HBM: variants seen among roughly 807,000 people sequenced by gnomAD.
HBM encodes the protein alpha globin pseudogene 2.
A neutral mutation model predicts 12.8 loss-of-function variants in HBM; 9 were observed. The observed-to-expected ratio is 0.70, with a 90% CI of 0.42 to 1.23. The LOEUF is 1.23. HBM is among the 50% of genes most tolerant of loss of function. The pLI, the probability that HBM is intolerant of heterozygous loss-of-function variation, is 0.00. For synonymous variants in HBM, 100 were observed against 92.0 expected (o/e 1.09, Z -0.50); for missense variants, 214 against 195.4 (o/e 1.10, Z -0.57).
At chr16:166,202 C>T (rs902282267) in intron 1 of HBM, 66 bp from the exon 2 acceptor site, 1 of 1,475,422 alleles carries the variant, frequency 6.8e-7, no homozygotes, top group Admixed American at 1.9e-5. Flanking sequence ...GGGCTCTGGG[C>T]GGTGTGGGCG....
Position 166,624 on chromosome 16 carries a change from G to T in HBM, c.342G>T (p.Gln114His), listed in dbSNP as rs750003435. The T allele has an allele frequency of 1.6e-5, 26 of 1,613,950 alleles. No homozygotes were observed. In the Admixed American group the frequency reaches 4.3e-4, roughly 27 times the overall value. ...CFHVVLASHL[Q>H]DEFTVQMQAA... Reference sequence around the variant, plus strand: ...ACGTCGTGCTGGCCTCCCACCTGCAGGACGAGTTCACCGTGCAAATGCAAG... The same window carrying T: ...ACGTCGTGCTGGCCTCCCACCTGCATGACGAGTTCACCGTGCAAATGCAAG... The change falls in exon 3 of 3, where the codon CAG (glutamine) becomes CAT (histidine). Residue 114 changes from glutamine to histidine, a missense_variant. Physicochemically the swap from Gln to His is conservative, Grantham distance 24. Coordinates refer to ENST00000356815, the MANE Select transcript of HBM (RefSeq NM_001003938.4).
Position 166,528 on chromosome 16 carries a change from C to T in HBM, c.298-52C>T, listed in dbSNP as rs537357463. The T allele has an allele frequency of 3.8e-6, 6 of 1,581,686 alleles. No homozygotes were observed. The African/African-American group carries it at 8.0e-5, about 21-fold the overall frequency. On this transcript the variant is annotated intron_variant, in intron 2 of 2. Transcript: ENST00000356815. Reference sequence around the variant, plus strand: ...AGCGCGCAGCCGGGGTGGGGGGGCTCTGGGGGTCCCTAGCGGGGCAGACCC... The same window carrying T: ...AGCGCGCAGCCGGGGTGGGGGGGCTTTGGGGGTCCCTAGCGGGGCAGACCC...
chr16:166,621 G>C lies in HBM; in HGVS notation c.339G>C (p.Leu113=). Residue 113 remains leucine, a synonymous_variant, in exon 3 of 3, where the codon CTG becomes CTC. Coordinates refer to ENST00000356815, the MANE Select transcript of HBM (RefSeq NM_001003938.4). ...QCFHVVLASH[L]QDEFTVQMQA... ...TCCACGTCGTGCTGGCCTCCCACCTGCAGGACGAGTTCACCGTGCAAATGC... is the reference window on the plus strand; with the variant it reads ...TCCACGTCGTGCTGGCCTCCCACCTCCAGGACGAGTTCACCGTGCAAATGC... 1 of 1,614,098 alleles carries C rather than the reference G, an allele frequency of 6.2e-7. No homozygotes were observed. Among genetic ancestry groups the C allele is most frequent in the Non-Finnish European group, 8.5e-7 (1 of 1,179,990 alleles).
At position 166,340 on chromosome 16, in the gene HBM, G is replaced by C. The variant is rs542841841; in HGVS notation, c.165G>C (p.Leu55=). Residue 55 remains leucine (L), a synonymous_variant, in exon 2 of 3, where the codon CTG becomes CTC. Coordinates refer to ENST00000356815, the MANE Select transcript of HBM (RefSeq NM_001003938.4). ...HLSACQDATQ[L]LSHGQRMLAA... is the part of the protein sequence containing the mutation. ...GCGCCTGCCAGGACGCGACGCAGCTGCTGAGCCACGGGCAGCGCATGCTGG... is the reference window on the plus strand; with the variant it reads ...GCGCCTGCCAGGACGCGACGCAGCTCCTGAGCCACGGGCAGCGCATGCTGG... 4.4e-6 allele frequency: 7 copies of C among 1,594,548 alleles called. No individual in the cohort carries two copies. The highest frequency in any genetic ancestry group is 2.7e-5 in the African/African-American group (2 of 74,884).
At chr16:166,210 G>A in intron 1 of HBM, 58 bp from the exon 2 acceptor site, 1 of 1,498,164 alleles carries the variant, frequency 6.7e-7, no homozygotes, top group Non-Finnish European at 9.0e-7. Context: ...GGCGGTGTGG[G>A]CGCTAGTGAA....
intron 1 of HBM, 42 bp from the exon 2 acceptor site, chr16:166,226 A>T: frequency 6.5e-7 from 1 of 1,531,870 alleles, no homozygotes; most frequent in East Asian, 2.4e-5. Context: ...GTGAAGCCCC[A>T]CGCAGCCGCC....
intron 2 of HBM, 48 bp from the exon 3 acceptor site, chr16:166,532 G>C (rs558533181): frequency 6.3e-7 from 1 of 1,595,632 alleles, no homozygotes; most frequent in Non-Finnish European, 8.5e-7. Flanking sequence ...GGGGCTCTGG[G>C]GGTCCCTAGC....
intron 1 of HBM, 52 bp from the exon 2 acceptor site, chr16:166,216 G>C: frequency 6.6e-7 from 1 of 1,506,452 alleles, no homozygotes; most frequent in African/African-American, 1.4e-5. Flanking sequence ...GTGGGCGCTA[G>C]TGAAGCCCCA....
At position 166,382 on chromosome 16, in the gene HBM, G is replaced by C. The variant is rs1420485283; in HGVS notation, c.207G>C (p.Ala69=). 3.8e-6 allele frequency: 6 copies of C among 1,574,692 alleles called. No homozygotes were observed. The highest frequency in any genetic ancestry group is 1.8e-5 in the Admixed American group (1 of 56,498). Residue 69 remains alanine, a synonymous_variant, in exon 2 of 3, where the codon GCG becomes GCC. Transcript: ENST00000356815. ...GCATGCTGGCGGCTGTGGGCGCGGC[G>C]GTGCAGCACGTGGACAACCTGCGCG... ...GQRMLAAVGA[A]VQHVDNLRAA... is the part of the protein sequence containing the mutation.
At position 166,471 on chromosome 16, in the gene HBM, C is replaced by T. The variant is rs1400329750; in HGVS notation, c.296C>T (p.Pro99Leu). ...CTGCGCGTGGACCCAGCCAACTTTC[C>T]GGTGAGGCCTTTCCGGCCGGGGCAA... ...LVLRVDPANF[P>L]LLIQCFHVVL... The change falls in exon 2 of 3, where the codon CCG becomes CTG. Residue 99 changes from proline (P) to leucine (L), a missense_variant and splice_region_variant. Pro to Leu is a moderately conservative substitution (Grantham distance 98, BLOSUM62 -3). Transcript: ENST00000356815. 3.3e-6 allele frequency: 5 copies of T among 1,514,282 alleles called. No individual in the cohort carries two copies. The African/African-American group carries it at 5.5e-5, about 17-fold the overall frequency. 93.8% of individuals were successfully genotyped at this position (1,514,282 alleles called of 1,614,324 possible).
chr16:166,427 G>T lies in HBM; in HGVS notation c.252G>T (p.Ala84=), dbSNP rs755322486. 7 of 1,550,156 alleles carry T rather than the reference G, an allele frequency of 4.5e-6. No individual in the cohort carries two copies. In the South Asian group the frequency reaches 5.8e-5, roughly 13 times the overall value. ...TGCGCGCCGCGCTGAGCCCGCTGGCGGACCTGCACGCGCTCGTGCTGCGCG... is the reference window on the plus strand; with the variant it reads ...TGCGCGCCGCGCTGAGCCCGCTGGCTGACCTGCACGCGCTCGTGCTGCGCG... ...DNLRAALSPL[A]DLHALVLRVD... Residue 84 remains alanine (A), a synonymous_variant, in exon 2 of 3, where the codon GCG becomes GCT. Transcript: ENST00000356815.
At position 166,013 on chromosome 16, in the gene HBM, G is replaced by A. The variant is rs1901903114; in HGVS notation, c.16G>A (p.Glu6Lys). The A allele has an allele frequency of 6.3e-7, 1 of 1,590,654 alleles. No individual in the cohort carries two copies. Among genetic ancestry groups the A allele is most frequent in the Non-Finnish European group, 8.5e-7 (1 of 1,173,582 alleles). MLSAQERAQIAQVWDL... is the reference protein window; with the variant it reads MLSAQKRAQIAQVWDL... Reference sequence around the variant, plus strand: ...AGGCGGCGCCATGCTCAGCGCCCAGGAGCGCGCCCAAATCGCGCAGGTCTG... The same window carrying A: ...AGGCGGCGCCATGCTCAGCGCCCAGAAGCGCGCCCAAATCGCGCAGGTCTG... Residue 6 changes from glutamate (E) to lysine (K), a missense_variant, in exon 1 of 3, where the codon GAG (glutamate) becomes AAG (lysine). By Grantham distance (56) the Glu-to-Lys change is moderately conservative. Transcript: ENST00000356815.
In HBM at chr16:166,285, C is replaced by G. The variant is rs1017554541; in HGVS notation, c.110C>G (p.Pro37Arg). The G allele has an allele frequency of 3.1e-6, 5 of 1,595,158 alleles. No individual in the cohort carries two copies. The highest frequency in any genetic ancestry group is 1.3e-5 in the African/African-American group (1 of 74,798). Reference protein sequence around the residue: ...ELLLRLFTVYPSTKVYFPHLS... With the variant: ...ELLLRLFTVYRSTKVYFPHLS... The stretch of plus-strand genomic sequence containing the variant: ...TCCTGCAGGCTCTTCACGGTGTACC[C>G]CAGCACCAAGGTCTACTTCCCGCAC... Residue 37 changes from proline (P) to arginine (R), a missense_variant, in exon 2 of 3, where the codon CCC becomes CGC. By Grantham distance (103) the Pro-to-Arg change is moderately radical. Transcript: ENST00000356815.
rs752991428 is a variant in HBM, at chr16:166,593, G to C, written c.311G>C (p.Cys104Ser). The C allele has an allele frequency of 6.8e-6, 11 of 1,613,748 alleles. No individual in the cohort carries two copies. In the Middle Eastern group the frequency reaches 4.9e-4, roughly 73 times the overall value. Residue 104 changes from cysteine to serine, a missense_variant, in exon 3 of 3, where the codon TGT becomes TCT. Physicochemically the swap from Cys to Ser is moderately radical, Grantham distance 112 (BLOSUM62 -1). Transcript: ENST00000356815. ...CTTCTCCTGCAGCTGCTAATCCAGT[G>C]TTTCCACGTCGTGCTGGCCTCCCAC... ...DPANFPLLIQCFHVVLASHLQ... is the reference protein window; with the variant it reads ...DPANFPLLIQSFHVVLASHLQ...
intron 1 of HBM, 22 bp from the exon 2 acceptor site, chr16:166,246 G>T: frequency 6.3e-7 from 1 of 1,578,170 alleles, no homozygotes; most frequent in Non-Finnish European, 8.6e-7. Context: ...CCTCCTCCCC[G>T]GTCACTGACC....
In HBM at chr16:166,391, C is replaced by G. The variant is rs1468539927; in HGVS notation, c.216C>G (p.His72Gln). 2.5e-6 allele frequency: 4 copies of G among 1,570,302 alleles called. No individual in the cohort carries two copies. The highest frequency in any genetic ancestry group is 2.3e-5 in the East Asian group (1 of 42,950). The stretch of plus-strand genomic sequence containing the variant: ...CGGCTGTGGGCGCGGCGGTGCAGCA[C>G]GTGGACAACCTGCGCGCCGCGCTGA... ...MLAAVGAAVQ[H>Q]VDNLRAALSP... The change falls in exon 2 of 3, where the codon CAC becomes CAG. Residue 72 changes from histidine to glutamine, a missense_variant. Physicochemically the swap from His to Gln is conservative, Grantham distance 24. Coordinates refer to ENST00000356815, the MANE Select transcript of HBM (RefSeq NM_001003938.4).
At position 166,695 on chromosome 16, in the gene HBM, A is replaced by G. The variant is rs1480873075; in HGVS notation, c.413A>G (p.Glu138Gly). Residue 138 changes from glutamate to glycine, a missense_variant, in exon 3 of 3, where the codon GAA becomes GGA. Glu to Gly is a moderately conservative substitution (Grantham distance 98, BLOSUM62 -2). Coordinates refer to ENST00000356815, the MANE Select transcript of HBM (RefSeq NM_001003938.4). ...ACTGGTGTGGCCGTGGTGCTGACCGAAAAATACCGCTGAGCCCTGTGCTGC... is the reference window on the plus strand; with the variant it reads ...ACTGGTGTGGCCGTGGTGCTGACCGGAAAATACCGCTGAGCCCTGTGCTGC... Reference protein sequence around the residue: ...FLTGVAVVLTEKYR With the variant: ...FLTGVAVVLTGKYR 6.2e-7 allele frequency: 1 copy of G among 1,614,064 alleles called. No individual in the cohort carries two copies. Among genetic ancestry groups the G allele is most frequent in the Non-Finnish European group, 8.5e-7 (1 of 1,179,982 alleles).
chr16:166,519 G>C (rs765565200), intron 2 of HBM, 47 bp downstream of exon 2: 26 of 1,579,372 alleles, frequency 1.6e-5, no homozygotes, highest in South Asian at 1.1e-4. Context: ...CAGCCGGGGT[G>C]GGGGGGCTCT....
intron 1 of HBM, 22 bp downstream of exon 1, chr16:166,111 G>C (rs558547203): frequency 2.6e-6 from 4 of 1,566,148 alleles, no homozygotes. Context: ...CGGGGTCTCC[G>C]GGAGCTCAGG....
Sources: allele counts gnomAD v4.1 joint callset, GRCh38; gene constraint gnomAD v4.1.1; transcripts MANE v1.5; gene names NCBI Gene and HGNC (gene_info 2026-07-23, HGNC 2026-07-21).